Variants in ADGRL2 observed in about 807,000 individuals in gnomAD.
ADGRL2 encodes adhesion G protein-coupled receptor L2.
In ADGRL2, 44 loss-of-function variants were observed where a neutral mutation model predicts 157.4. The ratio of observed to expected loss-of-function variants is 0.28; its 90% confidence interval spans 0.22 to 0.36. ADGRL2 has a LOEUF of 0.36. Among genes scored for constraint, ADGRL2 ranks in the 10% least tolerant of loss-of-function variants. The pLI is 1.00. For missense variants in ADGRL2, 1,510 were observed against 1,768.9 expected, an observed-to-expected ratio of 0.85 and a Z score of 2.63; for synonymous variants, 585 against 624.7, an observed-to-expected ratio of 0.94 and a Z score of 0.95.
chr1:81,309,027 T>TA (rs1165151861), intron 1 of ADGRL2, among the ~76,000 whole-genome samples: 1 of 152,104 alleles, frequency 6.6e-6, no homozygotes, highest in East Asian at 1.9e-4. Context: ...TGAGTACAGT[T>TA]AAAAAGATAA....
intron 2 of ADGRL2, among the ~76,000 whole-genome samples, chr1:81,783,421 T>C (rs1457018097): frequency 3.3e-5 from 5 of 152,158 alleles, no homozygotes; most frequent in South Asian, 2.1e-4. Flanking sequence ...TGAGCCACTA[T>C]GCCTGGCCTC....
Position 81,852,510 on chromosome 1 carries a change from A to G in ADGRL2, c.73+15453A>G, listed in dbSNP as rs191812236. ...CATTTAATAATGAAGAGAATAAGAA[A>G]ATTCTCCCCGATACAACATTGACTT... On this transcript the variant is annotated intron_variant, in intron 2 of 23. Coordinates refer to ENST00000686636, the MANE Select transcript of ADGRL2 (RefSeq NM_001366006.2). 3.4e-4 allele frequency among the ~76,000 whole-genome samples: 52 copies of G among 152,258 alleles called. No homozygotes were observed. The East Asian group carries it at 6.9e-3, about 20-fold the overall frequency.
chr1:81,702,251 C>T (rs1203840814), intron 1 of ADGRL2, among the ~76,000 whole-genome samples: 1 of 152,094 alleles, frequency 6.6e-6, no homozygotes, highest in Non-Finnish European at 1.5e-5. Flanking sequence ...TGGGTCTGAC[C>T]ACAAGTAGGC....
intron 2 of ADGRL2, among the ~76,000 whole-genome samples, chr1:81,864,398 A>G (rs2093475413): frequency 6.6e-6 from 1 of 152,166 alleles, no homozygotes; most frequent in South Asian, 2.1e-4. Flanking sequence ...CAACATTGAA[A>G]CAGTGTCTAG....
intron 1 of ADGRL2, among the ~76,000 whole-genome samples, chr1:81,728,678 G>T (rs1226227563): frequency 1.3e-5 from 2 of 152,026 alleles, no homozygotes; most frequent in African/African-American, 4.8e-5. Flanking sequence ...ATCTCATGGG[G>T]CTGTCTCCTC....
intron 3 of ADGRL2, among the ~76,000 whole-genome samples, chr1:81,588,861 G>A (rs925805430): frequency 6.6e-5 from 10 of 152,114 alleles, no homozygotes; most frequent in African/African-American, 2.2e-4. Flanking sequence ...GGCATAAGGA[G>A]CTCAAAGTAA....
Position 81,990,801 on chromosome 1 carries a change from G to A in ADGRL2, c.4066G>A (p.Glu1356Lys), listed in dbSNP as rs148763084. The change falls in exon 24 of 24, where the codon GAG (glutamate) becomes AAG (lysine). Residue 1356 changes from glutamate to lysine, a missense_variant. Glu to Lys is a moderately conservative substitution (Grantham distance 56). Transcript: ENST00000686636. ...LYQPQKKVKS[E>K]GTDSYVSQLT... is the part of the protein sequence containing the mutation. ...CCAACCCCAGAAGAAAGTGAAGTCC[G>A]AGGGAACTGACAGCTATGTCTCCCA... 410 of 1,614,134 alleles carry A rather than the reference G, an allele frequency of 2.5e-4. 4 individuals are homozygous for A. Among genetic ancestry groups the A allele is most frequent in the Non-Finnish European group, 2.8e-4 (331 of 1,180,026 alleles).
rs966987984 is a variant in ADGRL2, at chr1:81,730,114, G to A, written c.-143+30306G>A. ...ACAGATCTAAGCAATTGTCTAGCTC[G>A]GTGGTCCCTAACTTCTTTCAGTTAG... On this transcript the variant is annotated intron_variant, in intron 1 of 20. Coordinates refer to the ADGRL2 transcript ENST00000359929. Among the ~76,000 whole-genome samples, 11 of 152,170 alleles carry A rather than the reference G, an allele frequency of 7.2e-5. No homozygotes were observed. In the South Asian group the frequency reaches 8.3e-4, roughly 12 times the overall value.
At chr1:81,425,780 T>C (rs2077202452) in intron 1 of ADGRL2, among the ~76,000 whole-genome samples, 1 of 152,042 alleles carries the variant, frequency 6.6e-6, no homozygotes. Flanking sequence ...CCATGGTGAG[T>C]ACCAGAAACT....
At chr1:81,413,578 T>C (rs2076984795) in intron 1 of ADGRL2, among the ~76,000 whole-genome samples, 1 of 152,196 alleles carries the variant, frequency 6.6e-6, no homozygotes, top group South Asian at 2.1e-4. Context: ...TGAGGTTGTT[T>C]ACAAGAAAAA....
chr1:81,987,652 G>A (rs1024038657), intron 22 of ADGRL2, among the ~76,000 whole-genome samples: 3 of 151,284 alleles, frequency 2.0e-5, no homozygotes, highest in East Asian at 1.9e-4. Flanking sequence ...TTAAATAAAA[G>A]TATATATATA....
chr1:81,385,121 C>T (rs1024866655), intron 1 of ADGRL2, among the ~76,000 whole-genome samples: 1 of 152,084 alleles, frequency 6.6e-6, no homozygotes, highest in Non-Finnish European at 1.5e-5. Context: ...CTTCTGCACA[C>T]CTGGAGAGAA....
At chr1:81,544,848 C>G (rs932549255) in intron 2 of ADGRL2, among the ~76,000 whole-genome samples, 1 of 152,136 alleles carries the variant, frequency 6.6e-6, no homozygotes, top group Non-Finnish European at 1.5e-5. Flanking sequence ...ATCAAATGAC[C>G]TGAAGGTCAG....
At chr1:81,651,932 C>G (rs2082429840) in intron 3 of ADGRL2, among the ~76,000 whole-genome samples, 2 of 152,082 alleles carry the variant, frequency 1.3e-5, no homozygotes, top group East Asian at 3.9e-4. Flanking sequence ...ACTATGTTGT[C>G]CTGGCCTCAA....
At chr1:81,655,082 C>G (rs776196861) in intron 3 of ADGRL2, among the ~76,000 whole-genome samples, 3 of 152,170 alleles carry the variant, frequency 2.0e-5, no homozygotes, top group Non-Finnish European at 4.4e-5. Flanking sequence ...GTCCTAAGAG[C>G]CAGGGGGGCA....
chr1:81,868,522 C>T (rs1369403062), intron 2 of ADGRL2, among the ~76,000 whole-genome samples: 9 of 152,086 alleles, frequency 5.9e-5, no homozygotes, highest in Non-Finnish European at 1.3e-4. Context: ...TGGGTTCAGC[C>T]ATACTGATCT....
At chr1:81,972,865 T>C (rs1029183862) in intron 17 of ADGRL2, among the ~76,000 whole-genome samples, 11 of 150,670 alleles carry the variant, frequency 7.3e-5, no homozygotes, top group Non-Finnish European at 1.3e-4. Flanking sequence ...TGAGCTATGA[T>C]TGCACCACTG....
chr1:81,753,428 G>C (rs976262109), intron 1 of ADGRL2, among the ~76,000 whole-genome samples: 8 of 152,108 alleles, frequency 5.3e-5, no homozygotes, highest in Non-Finnish European at 7.3e-5. Flanking sequence ...CACAACACGT[G>C]GGAATTATGG....
chr1:81,530,299 C>T (rs2079566612), intron 2 of ADGRL2, among the ~76,000 whole-genome samples: 1 of 152,130 alleles, frequency 6.6e-6, no homozygotes, highest in African/African-American at 2.4e-5. Flanking sequence ...CTGCCCCTTC[C>T]TCAAGGTGGC....
Sources: gnomAD v4.1 joint callset for allele counts (sites outside exome capture counted in the v4.1 genomes callset) on GRCh38, gnomAD v4.1.1 for gene constraint, MANE v1.5 for transcripts, NCBI Gene and HGNC (gene_info 2026-07-23, HGNC 2026-07-21) for gene names.